Variants in ZBTB8A observed in about 807,000 individuals in gnomAD.
ZBTB8A encodes zinc finger and BTB domain-containing protein 8A.
A neutral mutation model predicts 37.8 loss-of-function variants in ZBTB8A; 19 were observed. That is an observed-to-expected ratio of 0.50 (90% confidence interval 0.35 to 0.74). ZBTB8A has a LOEUF of 0.74. Ranked by LOEUF, ZBTB8A falls within the 30% of genes least tolerant of loss-of-function variation. ZBTB8A has a pLI of 0.01. For synonymous variants in ZBTB8A, 181 were observed against 185.2 expected, an observed-to-expected ratio of 0.98 and a Z score of 0.19; for missense variants, 394 against 537.8, an observed-to-expected ratio of 0.73 and a Z score of 2.65.
intron 2 of ZBTB8A, among the ~76,000 whole-genome samples, chr1:32,559,464 T>C (rs954479065): frequency 2.6e-5 from 4 of 151,002 alleles, no homozygotes; most frequent in Admixed American, 6.6e-5. Context: ...AGTATTTTTT[T>C]GTTTTGTTTT....
At chr1:32,545,388 T>A (rs1186472337) in intron 1 of ZBTB8A, among the ~76,000 whole-genome samples, 1 of 152,192 alleles carries the variant, frequency 6.6e-6, no homozygotes, top group Non-Finnish European at 1.5e-5. Flanking sequence ...TATTTAATCT[T>A]ATTTATTTTA....
rs1003897670 is a variant in ZBTB8A at position 32,600,794 on chromosome 1, G to T, written c.*375G>T. On this transcript the variant is annotated 3_prime_UTR_variant, in exon 5 of 5. Coordinates refer to ENST00000373510, the MANE Select transcript of ZBTB8A (RefSeq NM_001040441.3). ...TAAATTCACCACAACCAAACTTTAT[G>T]TAAGACAATTTCAAGGTGTTTCAAA... The T allele has an allele frequency of 1.2e-5, 2 of 168,408 alleles. No individual in the cohort carries two copies. The highest frequency in any genetic ancestry group is 4.8e-5 in the African/African-American group (2 of 41,698). The allele number at this position is 168,408 out of a possible 1,614,324, so 10.4% of individuals were successfully genotyped here. A position where few individuals can be genotyped will look rare whatever the true frequency, so the allele number is the denominator to read the frequency against.
chr1:32,575,321 G>A (rs1308681871), intron 2 of ZBTB8A, among the ~76,000 whole-genome samples: 4 of 148,720 alleles, frequency 2.7e-5, no homozygotes, highest in African/African-American at 1.0e-4. Flanking sequence ...CTGCCTTCAG[G>A]TTTCAAGCGA....
At position 32,546,025 on chromosome 1, in the gene ZBTB8A, G is replaced by C. The variant is rs535174192; in HGVS notation, c.-84+6453G>C. On this transcript the variant is annotated intron_variant, in intron 1 of 4. Coordinates refer to ENST00000373510, the MANE Select transcript of ZBTB8A (RefSeq NM_001040441.3). Reference sequence around the variant, plus strand: ...TGCTTGAAAGTGAGCACTGACCTTTGACATTTCATCACCTCTATATTCTCA... The same window carrying C: ...TGCTTGAAAGTGAGCACTGACCTTTCACATTTCATCACCTCTATATTCTCA... Among the ~76,000 whole-genome samples, 44 of 152,176 alleles carry C rather than the reference G, an allele frequency of 2.9e-4. No homozygotes were observed. In the South Asian group the frequency reaches 8.9e-3, roughly 31 times the overall value.
At chr1:32,553,080 G>A (rs1410804911) in intron 1 of ZBTB8A, among the ~76,000 whole-genome samples, 6 of 146,278 alleles carry the variant, frequency 4.1e-5, no homozygotes, top group Admixed American at 6.9e-5. Flanking sequence ...TTTTTTTTGA[G>A]ACGAAGTCTT....
chr1:32,578,492 C>T (rs1178460917), intron 2 of ZBTB8A, among the ~76,000 whole-genome samples: 2 of 151,990 alleles, frequency 1.3e-5, no homozygotes, highest in Admixed American at 6.6e-5. Flanking sequence ...AGATTACAGA[C>T]GTGAGCCACC....
chr1:32,541,684 T>C (rs572524763), intron 1 of ZBTB8A, among the ~76,000 whole-genome samples: 1 of 152,306 alleles, frequency 6.6e-6, no homozygotes, highest in South Asian at 2.1e-4. Flanking sequence ...ACCGTGTTGC[T>C]GCATCCTCTG....
intron 1 of ZBTB8A, among the ~76,000 whole-genome samples, chr1:32,545,051 A>G (rs140569565): frequency 2.0e-5 from 3 of 152,160 alleles, no homozygotes; most frequent in African/African-American, 7.2e-5. Context: ...TGATAACTCC[A>G]TGTTTAATCA....
chr1:32,574,626 A>C (rs1312286723), intron 2 of ZBTB8A, among the ~76,000 whole-genome samples: 1 of 152,136 alleles, frequency 6.6e-6, no homozygotes, highest in Admixed American at 6.6e-5. Flanking sequence ...TTTTTTAAAA[A>C]ATTATAACAT....
chr1:32,589,423 G>A (rs1014926647), intron 2 of ZBTB8A, among the ~76,000 whole-genome samples: 3 of 151,764 alleles, frequency 2.0e-5, no homozygotes, highest in Non-Finnish European at 2.9e-5. Context: ...GCTAATATTT[G>A]TATTTTTAGT....
chr1:32,585,677 A>G (rs536285404), intron 2 of ZBTB8A, among the ~76,000 whole-genome samples: 4 of 152,198 alleles, frequency 2.6e-5, no homozygotes, highest in South Asian at 4.1e-4. Flanking sequence ...AATGTTTATG[A>G]GGTAGAAGGG....
chr1:32,581,665 G>A (rs1644408005), intron 2 of ZBTB8A, among the ~76,000 whole-genome samples: 1 of 151,902 alleles, frequency 6.6e-6, no homozygotes, highest in Non-Finnish European at 1.5e-5. Flanking sequence ...AAAAGTATTT[G>A]TTGCAGCATT....
At chr1:32,553,599 T>A (rs1644174654) in intron 2 of ZBTB8A, 59 bp downstream of exon 2, 1 of 152,150 alleles carries the variant, frequency 6.6e-6, no homozygotes, top group South Asian at 2.1e-4. Context: ...AAAAGTAGAA[T>A]TCTGGGGCCG....
intron 2 of ZBTB8A, among the ~76,000 whole-genome samples, chr1:32,558,530 A>G (rs1644220674): frequency 6.6e-6 from 1 of 152,220 alleles, no homozygotes; most frequent in African/African-American, 2.4e-5. Flanking sequence ...TCCTGAGAGT[A>G]GACCACATTG....
rs79257266 is a variant in ZBTB8A, at chr1:32,559,198, G to C, written c.-2+5658G>C. Among the ~76,000 whole-genome samples the C allele has an allele frequency of 7.2e-3, 1,081 of 150,612 alleles. 17 individuals are homozygous for C. The highest frequency in any genetic ancestry group is 0.025 in the African/African-American group (1,022 of 41,018). ...GTGATCTCAGCTCACTGCAACCTCT[G>C]CTTCCCGGGTTCAAGCCTTTTTCGT... On this transcript the variant is annotated intron_variant, in intron 2 of 4. Coordinates refer to ENST00000373510, the MANE Select transcript of ZBTB8A (RefSeq NM_001040441.3).
intron 2 of ZBTB8A, among the ~76,000 whole-genome samples, chr1:32,562,421 G>A (rs1230715136): frequency 1.3e-5 from 2 of 151,338 alleles, no homozygotes; most frequent in African/African-American, 2.4e-5. Flanking sequence ...ACAAGGATGC[G>A]CCACCACGCC....
chr1:32,567,530 C>A (rs183832859), intron 2 of ZBTB8A, among the ~76,000 whole-genome samples: 1 of 152,052 alleles, frequency 6.6e-6, no homozygotes, highest in African/African-American at 2.4e-5. Flanking sequence ...CATGGTGGCT[C>A]ACACCTGTAA....
intron 2 of ZBTB8A, among the ~76,000 whole-genome samples, chr1:32,559,008 G>A (rs1485239546): frequency 6.6e-6 from 1 of 152,188 alleles, no homozygotes; most frequent in Non-Finnish European, 1.5e-5. Flanking sequence ...AACCACAGCA[G>A]AGCCGGGGTT....
chr1:32,540,178 G>C (rs115223419), intron 1 of ZBTB8A, among the ~76,000 whole-genome samples: 2 of 152,134 alleles, frequency 1.3e-5, no homozygotes, highest in African/African-American at 4.8e-5. Context: ...GCTTCTGGAC[G>C]GAACCTTACA....
Sources: allele counts gnomAD v4.1 joint callset (sites outside exome capture counted in the v4.1 genomes callset), GRCh38; gene constraint gnomAD v4.1.1; transcripts MANE v1.5; gene names NCBI Gene and HGNC (gene_info 2026-07-23, HGNC 2026-07-21).